MAN1C1: variants seen among roughly 807,000 people sequenced by gnomAD.
MAN1C1 encodes mannosyl-oligosaccharide 1,2-alpha-mannosidase IC.
A neutral mutation model predicts 71.5 loss-of-function variants in MAN1C1; 49 were observed. The ratio of observed to expected loss-of-function variants is 0.69; its 90% confidence interval spans 0.54 to 0.87. MAN1C1 has a LOEUF of 0.87. Ranked by LOEUF, MAN1C1 falls within the 40% of genes least tolerant of loss-of-function variation. MAN1C1 has a pLI of 0.00. For missense variants in MAN1C1, 743 were observed against 835.0 expected (o/e 0.89, Z 1.36); for synonymous variants, 352 against 343.7 (o/e 1.02, Z -0.27).
chr1:25,679,978 TAC>T (rs765199500), intron 1 of MAN1C1, among the ~76,000 whole-genome samples: 32 of 127,196 alleles, frequency 2.5e-4, no homozygotes, highest in South Asian at 4.8e-4. Flanking sequence ...TATATATATA[TAC>T]ACACACACAC....
In MAN1C1 at chr1:25,770,197, C is replaced by T. The variant is rs552632084; in HGVS notation, c.1142-1460C>T. On this transcript the variant is annotated intron_variant, in intron 7 of 11. Coordinates refer to ENST00000374332, the MANE Select transcript of MAN1C1 (RefSeq NM_020379.4). ...AGGTGCCACTTCTCTCTTCCCTCCA[C>T]ACCAGAGCATAGTCCAGCCCACCCC... Among the ~76,000 whole-genome samples, 11 of 152,346 alleles carry T rather than the reference C, an allele frequency of 7.2e-5. No individual in the cohort carries two copies. In the South Asian group the frequency reaches 2.3e-3, roughly 32 times the overall value.
chr1:25,768,881 C>A (rs1017353073), intron 7 of MAN1C1, among the ~76,000 whole-genome samples: 3 of 149,794 alleles, frequency 2.0e-5, no homozygotes, highest in Non-Finnish European at 3.0e-5. Flanking sequence ...TCCCCTCACA[C>A]ACACCACACA....
chr1:25,638,087 T>G (rs1384972682), intron 1 of MAN1C1, among the ~76,000 whole-genome samples: 1 of 152,140 alleles, frequency 6.6e-6, no homozygotes, highest in Non-Finnish European at 1.5e-5. Flanking sequence ...CATTTTTTAT[T>G]AGTCTCATAT....
rs2047622083 is a variant in MAN1C1, at chr1:25,776,576, CAT to C, written c.1258-1522_1258-1521del. On this transcript the variant is annotated intron_variant, in intron 8 of 11. Transcript: ENST00000374332. This position sits in a 1 kb window ranked among gnomAD's most constrained non-coding sequence, Gnocchi z 4.3. ...TCAAAACAAAACGAATTGCACCTCT[CAT>C]ATATATTTGGTTTTGTTGGGAATTC... Among the ~76,000 whole-genome samples, 1 of 152,100 alleles carries C rather than the reference CAT, an allele frequency of 6.6e-6. No homozygotes were observed. The highest frequency in any genetic ancestry group is 1.9e-4 in the East Asian group (1 of 5,186).
chr1:25,738,326 G>A (rs1251628111), intron 2 of MAN1C1, among the ~76,000 whole-genome samples: 3 of 152,074 alleles, frequency 2.0e-5, no homozygotes, highest in African/African-American at 4.8e-5. Flanking sequence ...GTCCCAGTCC[G>A]TAAATGGGTT....
intron 1 of MAN1C1, among the ~76,000 whole-genome samples, chr1:25,624,998 ATTTTTTTTT>A (rs1032269792): frequency 9.8e-5 from 10 of 101,590 alleles, no homozygotes; most frequent in Admixed American, 6.7e-4. Flanking sequence ...AAATGCACAG[ATTTTTTTTT>A]TTTTTTTTTT....
chr1:25,745,112 G>C (rs750399916), intron 2 of MAN1C1, among the ~76,000 whole-genome samples: 1 of 152,190 alleles, frequency 6.6e-6, no homozygotes, highest in Non-Finnish European at 1.5e-5. Context: ...GAGTGCAAAA[G>C]GCTCTGGTTG....
intron 2 of MAN1C1, among the ~76,000 whole-genome samples, chr1:25,697,785 A>G (rs931399781): frequency 2.0e-5 from 3 of 152,208 alleles, no homozygotes; most frequent in African/African-American, 7.2e-5. Context: ...TGGTATGTTA[A>G]GTTTTAGTTG....
intron 1 of MAN1C1, among the ~76,000 whole-genome samples, chr1:25,675,331 A>G (rs935416609): frequency 6.6e-6 from 1 of 152,126 alleles, no homozygotes; most frequent in African/African-American, 2.4e-5. Context: ...GTGAGAATAT[A>G]CAATATTTAG....
intron 2 of MAN1C1, among the ~76,000 whole-genome samples, chr1:25,740,249 G>A (rs1329406471): frequency 6.6e-6 from 1 of 152,192 alleles, no homozygotes; most frequent in African/African-American, 2.4e-5. Context: ...GGAGGCCGAA[G>A]TGGAGGCTGA....
intron 2 of MAN1C1, among the ~76,000 whole-genome samples, chr1:25,688,754 T>C (rs983204852): frequency 1.3e-5 from 2 of 152,244 alleles, no homozygotes; most frequent in Non-Finnish European, 2.9e-5. Flanking sequence ...TAGTTCATCA[T>C]TCATATGGGA....
intron 1 of MAN1C1, among the ~76,000 whole-genome samples, chr1:25,669,443 C>T (rs1471048831): frequency 6.6e-6 from 1 of 152,084 alleles, no homozygotes; most frequent in East Asian, 1.9e-4. Flanking sequence ...TCACATCTGG[C>T]AAAAGGGCTG....
At position 25,617,961 on chromosome 1, in the gene MAN1C1, C is replaced by T. The variant is rs954426689; in HGVS notation, c.164C>T (p.Ala55Val). 1.5e-5 allele frequency: 24 copies of T among 1,607,670 alleles called. No individual in the cohort carries two copies. The highest frequency in any genetic ancestry group is 2.0e-5 in the Non-Finnish European group (24 of 1,177,848). Reference sequence around the variant, plus strand: ...TCTCGCCTCAAGCGCCTCTTCCTGGCCCCCCGGACCCAGCAGCCTGGTCTG... The same window carrying T: ...TCTCGCCTCAAGCGCCTCTTCCTGGTCCCCCGGACCCAGCAGCCTGGTCTG... ...HSSRLKRLFL[A>V]PRTQQPGLEV... The change falls in exon 1 of 12, where the codon GCC (alanine) becomes GTC (valine). Residue 55 changes from alanine (A) to valine (V), a missense_variant. Physicochemically the swap from Ala to Val is moderately conservative, Grantham distance 64. Transcript: ENST00000374332. This position sits in a 1 kb window ranked among gnomAD's most constrained non-coding sequence, Gnocchi z 5.1.
intron 2 of MAN1C1, among the ~76,000 whole-genome samples, chr1:25,740,058 TTC>T (rs1465121275): frequency 6.6e-6 from 1 of 152,158 alleles, no homozygotes; most frequent in Non-Finnish European, 1.5e-5. Flanking sequence ...GTGAACCGAG[TTC>T]TCTCCCTAGG....
chr1:25,719,895 T>A (rs968493108), intron 2 of MAN1C1, among the ~76,000 whole-genome samples: 7 of 151,704 alleles, frequency 4.6e-5, no homozygotes, highest in African/African-American at 1.5e-4. Flanking sequence ...GCGATTCTCC[T>A]GCCCCAGCCT....
chr1:25,658,249 C>G (rs1327803717), intron 1 of MAN1C1, among the ~76,000 whole-genome samples: 2 of 152,212 alleles, frequency 1.3e-5, no homozygotes, highest in Non-Finnish European at 2.9e-5. Context: ...ACAGCGTGCC[C>G]AGAGTTACAC....
Position 25,779,236 on chromosome 1 carries a change from A to G in MAN1C1, c.1477+912A>G, listed in dbSNP as rs531484139. On this transcript the variant is annotated intron_variant, in intron 9 of 11. Transcript: ENST00000374332. The surrounding 1 kb of genome is among the most constrained non-coding windows in gnomAD (Gnocchi z 4.6). The stretch of plus-strand genomic sequence containing the variant: ...TGGCCAGGAGCCGCTACACCATTTG[A>G]AAAGATTAGAGAGGCCAGATGGGCA... 5.9e-5 allele frequency among the ~76,000 whole-genome samples: 9 copies of G among 152,218 alleles called. No homozygotes were observed. In the East Asian group the frequency reaches 1.7e-3, roughly 29 times the overall value.
At chr1:25,655,576 G>C (rs1384919800) in intron 1 of MAN1C1, among the ~76,000 whole-genome samples, 1 of 152,224 alleles carries the variant, frequency 6.6e-6, no homozygotes, top group Non-Finnish European at 1.5e-5. Flanking sequence ...CTTGGGGATA[G>C]TGGATGACTG....
intron 2 of MAN1C1, among the ~76,000 whole-genome samples, chr1:25,692,736 G>A (rs918329707): frequency 7.9e-5 from 12 of 152,174 alleles, no homozygotes; most frequent in Non-Finnish European, 1.3e-4. Context: ...GTGGGGTAGG[G>A]GAATGGTCTC....
Sources: gnomAD v4.1 joint callset for allele counts (sites outside exome capture counted in the v4.1 genomes callset) on GRCh38, gnomAD v4.1.1 for gene constraint, Gnocchi (gnomAD v3.1) non-coding constraint, MANE v1.5 for transcripts, NCBI Gene and HGNC (gene_info 2026-07-23, HGNC 2026-07-21) for gene names.